NAV3: variants seen among roughly 807,000 people sequenced by gnomAD.
NAV3 encodes pore membrane and/or filament interacting like protein 1.
In NAV3, 87 loss-of-function variants were observed where a neutral mutation model predicts 244.7. The observed-to-expected ratio is 0.36, with a 90% CI of 0.30 to 0.42. The LOEUF (loss-of-function observed/expected upper bound fraction) is 0.42. Among genes scored for constraint, NAV3 ranks in the 20% least tolerant of loss-of-function variants. The pLI, the probability that NAV3 is intolerant of heterozygous loss-of-function variation, is 1.00. For missense variants in NAV3, 2,663 were observed against 2,893.3 expected (o/e 0.92, Z 1.83); for synonymous variants, 1,126 against 1,042.2 (o/e 1.08, Z -1.55).
intron 1 of NAV3, among the ~76,000 whole-genome samples, chr12:77,890,854 A>G (rs868170040): frequency 6.6e-6 from 1 of 152,234 alleles, no homozygotes; most frequent in East Asian, 1.9e-4. Context: ...TCCTGAAAGT[A>G]AATTCAAGTT....
chr12:77,618,808 T>C (rs1408976730), intron 2 of NAV3, among the ~76,000 whole-genome samples: 1 of 152,218 alleles, frequency 6.6e-6, no homozygotes, highest in Non-Finnish European at 1.5e-5. Context: ...GGCTGTACTT[T>C]GTTAGCACTC....
chr12:78,208,582 G>A (rs1960571880), intron 39 of NAV3, among the ~76,000 whole-genome samples: 2 of 152,070 alleles, frequency 1.3e-5, no homozygotes, highest in South Asian at 4.1e-4. Flanking sequence ...CTAGGCAAAG[G>A]CAAAGTAAAT....
At chr12:78,007,823 G>A (rs550344688) in intron 8 of NAV3, among the ~76,000 whole-genome samples, 4 of 152,224 alleles carry the variant, frequency 2.6e-5, no homozygotes, top group African/African-American at 4.8e-5. Flanking sequence ...CATCGTTTAC[G>A]GTTATTTTTG....
chr12:78,057,314 A>C lies in NAV3; in HGVS notation c.2517-1682A>C, dbSNP rs1275810970. Reference sequence around the variant, plus strand: ...ACAAACTAATCTAAGAATTCTGTGGAGTAAAAATTAAAAATAAGGCACAGA... The same window carrying C: ...ACAAACTAATCTAAGAATTCTGTGGCGTAAAAATTAAAAATAAGGCACAGA... On this transcript the variant is annotated intron_variant, in intron 11 of 39. Transcript: ENST00000397909. Among the ~76,000 whole-genome samples the C allele has an allele frequency of 1.3e-5, 2 of 152,208 alleles. 1 individual carries two copies. The highest frequency in any genetic ancestry group is 4.1e-4 in the South Asian group (2 of 4,834).
At chr12:78,201,069 CTTCT>C (rs1344807142) in intron 38 of NAV3, among the ~76,000 whole-genome samples, 7 of 61,440 alleles carry the variant, frequency 1.1e-4, no homozygotes, top group African/African-American at 4.5e-4. Context: ...GTTTCTTCTC[CTTCT>C]TTTTTTTTTT....
intron 22 of NAV3, among the ~76,000 whole-genome samples, chr12:78,150,596 G>GTA (rs1032417626): frequency 1.4e-5 from 2 of 147,226 alleles, no homozygotes; most frequent in African/African-American, 2.5e-5. Context: ...ATGCTAATGT[G>GTA]TATATATACT....
At chr12:77,855,145 A>G (rs952269408) in intron 1 of NAV3, among the ~76,000 whole-genome samples, 1 of 152,146 alleles carries the variant, frequency 6.6e-6, no homozygotes, top group Non-Finnish European at 1.5e-5. Flanking sequence ...AAAATAAAAA[A>G]TATATGCTGA....
intron 9 of NAV3, among the ~76,000 whole-genome samples, chr12:78,044,668 A>G (rs1881459515): frequency 6.6e-6 from 1 of 152,014 alleles, no homozygotes; most frequent in East Asian, 1.9e-4. Context: ...TTGTATTCCT[A>G]AGTATTTTAT....
At chr12:77,877,829 T>C (rs555211617) in intron 1 of NAV3, among the ~76,000 whole-genome samples, 1 of 152,126 alleles carries the variant, frequency 6.6e-6, no homozygotes, top group East Asian at 1.9e-4. Context: ...GAAAAATAAC[T>C]TTACAGTGGA....
chr12:77,837,214 G>C (rs758755569), intron 1 of NAV3, among the ~76,000 whole-genome samples: 1 of 150,422 alleles, frequency 6.6e-6, no homozygotes, highest in Non-Finnish European at 1.5e-5. Flanking sequence ...TTGAGGAAAA[G>C]TTATGTAAAC....
rs139512350 is a variant in NAV3 at position 77,802,105 on chromosome 12, C to G, written c.73-138214C>G. Reference sequence around the variant, plus strand: ...GGATTACATCATGATTTAAAAGAAGCTATCTTCTAGAAGGAGCCTTTGGCC... The same window carrying G: ...GGATTACATCATGATTTAAAAGAAGGTATCTTCTAGAAGGAGCCTTTGGCC... On this transcript the variant is annotated intron_variant, in intron 2 of 8. Coordinates refer to the NAV3 transcript ENST00000550042. Among the ~76,000 whole-genome samples the G allele has an allele frequency of 5.9e-5, 9 of 152,232 alleles. No homozygotes were observed. In the East Asian group the frequency reaches 1.7e-3, roughly 29 times the overall value.
rs1315730053 is a variant in NAV3, at chr12:77,831,171, GAGAGAGAGAGAGAGAGAGAGAGAC to G, written c.-267_-244del. On this transcript the variant is annotated 5_prime_UTR_variant, in exon 1 of 40. Coordinates refer to ENST00000397909, the MANE Select transcript of NAV3 (RefSeq NM_001024383.2). ...CTGAACAGAGAGAGAGAGAGAGACA[GAGAGAGAGAGAGAGAGAGAGAGAC>G]AGAGAGAGAGAGAGAGAGAGAGAAA... The G allele has an allele frequency of 4.3e-3, 453 of 105,050 alleles. No homozygotes were observed. The highest frequency in any genetic ancestry group is 7.8e-3 in the Middle Eastern group (2 of 258). 6.5% of individuals were successfully genotyped at this position (105,050 alleles called of 1,614,324 possible).
At chr12:77,747,238 T>G (rs1592643063) in intron 2 of NAV3, among the ~76,000 whole-genome samples, 2 of 152,186 alleles carry the variant, frequency 1.3e-5, no homozygotes, top group Admixed American at 1.3e-4. Context: ...TGTCTTCTTT[T>G]GAGAAGTGTC....
chr12:77,732,743 C>T (rs1877178313), intron 2 of NAV3, among the ~76,000 whole-genome samples: 1 of 151,998 alleles, frequency 6.6e-6, no homozygotes, highest in Non-Finnish European at 1.5e-5. Context: ...GATATTTGCA[C>T]CTAAGTAACC....
intron 2 of NAV3, among the ~76,000 whole-genome samples, chr12:77,761,437 A>C (rs192310526): frequency 4.6e-5 from 7 of 152,316 alleles, no homozygotes; most frequent in Admixed American, 1.3e-4. Flanking sequence ...GCATTGCTTA[A>C]ATTCTCTTAT....
At position 77,745,539 on chromosome 12, in the gene NAV3, A is replaced by G. The variant is rs143712717; in HGVS notation, c.72+173273A>G. ...AGGGGGAGAGAAAGGAGATAGTAAG[A>G]CATCATGCCCGGGACCATAATCTCT... On this transcript the variant is annotated intron_variant, in intron 2 of 8. Transcript: ENST00000550042. Among the ~76,000 whole-genome samples the G allele has an allele frequency of 3.3e-5, 5 of 152,184 alleles. No homozygotes were observed. The East Asian group carries it at 7.7e-4, about 24-fold the overall frequency.
At chr12:78,051,697 A>T (rs940454709) in intron 11 of NAV3, among the ~76,000 whole-genome samples, 2 of 152,170 alleles carry the variant, frequency 1.3e-5, no homozygotes, top group Non-Finnish European at 2.9e-5. Context: ...GTCCTATTAC[A>T]TTCCAAAACA....
At chr12:77,765,670 G>C (rs914553009) in intron 2 of NAV3, among the ~76,000 whole-genome samples, 1 of 152,140 alleles carries the variant, frequency 6.6e-6, no homozygotes, top group African/African-American at 2.4e-5. Context: ...GAGTTCATGT[G>C]GGGGATGGTG....
chr12:77,585,944 C>T (rs141598174), intron 2 of NAV3, among the ~76,000 whole-genome samples: 6 of 152,288 alleles, frequency 3.9e-5, no homozygotes, highest in South Asian at 2.1e-4. Flanking sequence ...AGAAGGATCA[C>T]GAGGTCAGGA....
Sources: allele counts gnomAD v4.1 joint callset (sites outside exome capture counted in the v4.1 genomes callset), GRCh38; gene constraint gnomAD v4.1.1; transcripts MANE v1.5; gene names NCBI Gene and HGNC (gene_info 2026-07-23, HGNC 2026-07-21).